The following DPP10 variants were observed in gnomAD, a reference collection of about 807,000 sequenced individuals.
DPP10 encodes inactive dipeptidyl peptidase 10.
DPP10 carries 33 observed loss-of-function variants against 120.9 expected under a neutral mutation model. The ratio of observed to expected loss-of-function variants is 0.27; its 90% CI spans 0.21 to 0.37. The LOEUF (loss-of-function observed/expected upper bound fraction) is 0.37. Among genes scored for constraint, DPP10 ranks in the 10% least tolerant of loss-of-function variants. The pLI is 1.00. For missense variants in DPP10, 816 were observed against 942.8 expected, an observed-to-expected ratio of 0.87 and a Z score of 1.76; for synonymous variants, 337 against 326.1, an observed-to-expected ratio of 1.03 and a Z score of -0.36.
At chr2:115,019,522 C>T (rs1546476) in intron 1 of DPP10, among the ~76,000 whole-genome samples, 147,549 of 152,274 alleles carry the variant, frequency 0.97, 71,648 homozygotes, top group East Asian at 1. Context: ...TTTGGGACTA[C>T]GTTAAACATC....
At chr2:114,980,856 T>G (rs948473420) in intron 1 of DPP10, among the ~76,000 whole-genome samples, 19 of 152,138 alleles carry the variant, frequency 1.2e-4, no homozygotes, top group Admixed American at 1.2e-3. Flanking sequence ...GCATGTTATA[T>G]TTGTAATTTT....
chr2:114,892,617 G>C (rs1035763322), intron 1 of DPP10, among the ~76,000 whole-genome samples: 4 of 152,196 alleles, frequency 2.6e-5, no homozygotes, highest in Non-Finnish European at 5.9e-5. Flanking sequence ...CGCTTGGCAG[G>C]CGCGTCAGTA....
intron 1 of DPP10, among the ~76,000 whole-genome samples, chr2:115,245,619 C>A (rs188726061): frequency 6.6e-6 from 1 of 152,128 alleles, no homozygotes; most frequent in Admixed American, 6.6e-5. Context: ...CCAGTAATCC[C>A]AATATTGGGT....
chr2:114,971,422 C>A (rs772153409), intron 1 of DPP10, among the ~76,000 whole-genome samples: 10 of 152,116 alleles, frequency 6.6e-5, no homozygotes, highest in Non-Finnish European at 8.8e-5. Context: ...CCACCACTTG[C>A]TCACTTATAT....
At chr2:115,343,983 T>G in intron 3 of DPP10, 71 bp downstream of exon 3, 1 of 1,298,060 alleles carries the variant, frequency 7.7e-7, no homozygotes, top group Non-Finnish European at 1.1e-6. Flanking sequence ...AAAAATGAGA[T>G]GTGTAAGCTG....
intron 5 of DPP10, among the ~76,000 whole-genome samples, chr2:115,686,183 T>TA (rs2090978425): frequency 6.6e-6 from 1 of 152,012 alleles, no homozygotes; most frequent in Non-Finnish European, 1.5e-5. Context: ...TGTTCCTGTT[T>TA]AAAATCACTT....
chr2:114,768,244 T>C (rs1680920999), intron 1 of DPP10, among the ~76,000 whole-genome samples: 1 of 151,414 alleles, frequency 6.6e-6, no homozygotes. Context: ...AGAGATTGTA[T>C]CACAAAAGAC....
At chr2:115,237,096 T>C (rs1286904744) in intron 1 of DPP10, among the ~76,000 whole-genome samples, 1 of 152,198 alleles carries the variant, frequency 6.6e-6, no homozygotes, top group Non-Finnish European at 1.5e-5. Flanking sequence ...AAAGCTTATT[T>C]TATTGTACTT....
Position 114,558,703 on chromosome 2 carries a change from T to C in DPP10, c.60+115865T>C, listed in dbSNP as rs955979170. On this transcript the variant is annotated intron_variant, in intron 1 of 25. Transcript: ENST00000410059. ...AATATTTGTTAAACAAAATGGCAAG[T>C]GTGAGTGCTGTAGAGTATTATATGT... Among the ~76,000 whole-genome samples the C allele has an allele frequency of 3.3e-5, 5 of 152,314 alleles. No individual in the cohort carries two copies. The East Asian group carries it at 9.6e-4, about 29-fold the overall frequency.
intron 5 of DPP10, among the ~76,000 whole-genome samples, chr2:115,538,860 A>G (rs1397062586): frequency 6.6e-6 from 1 of 152,054 alleles, no homozygotes; most frequent in African/African-American, 2.4e-5. Flanking sequence ...TGTACTTCCC[A>G]GATTTTGAAG....
At chr2:114,632,812 AG>A in intron 1 of DPP10, among the ~76,000 whole-genome samples, 1 of 152,156 alleles carries the variant, frequency 6.6e-6, no homozygotes, top group Middle Eastern at 3.4e-3. Flanking sequence ...GTGCCCGGCC[AG>A]GGGGTTTTAA....
At chr2:114,536,569 C>A (rs1189654499) in intron 1 of DPP10, among the ~76,000 whole-genome samples, 2 of 151,928 alleles carry the variant, frequency 1.3e-5, no homozygotes, top group African/African-American at 2.4e-5. Flanking sequence ...CCATGCCCAG[C>A]TAATTTTTTG....
At chr2:115,109,420 C>G (rs2049104507) in intron 1 of DPP10, among the ~76,000 whole-genome samples, 3 of 152,014 alleles carry the variant, frequency 2.0e-5, no homozygotes. Flanking sequence ...CCTGTAGTCC[C>G]AGCTACTCTG....
intron 1 of DPP10, among the ~76,000 whole-genome samples, chr2:114,713,713 G>C (rs1175435426): frequency 2.0e-5 from 3 of 152,132 alleles, no homozygotes; most frequent in African/African-American, 7.2e-5. Context: ...AAATTTGGCT[G>C]GGCGCAGTGG....
intron 1 of DPP10, among the ~76,000 whole-genome samples, chr2:114,641,263 C>T (rs1376889783): frequency 6.6e-6 from 1 of 151,974 alleles, no homozygotes; most frequent in African/African-American, 2.4e-5. Context: ...GTTATCATCT[C>T]ACAATCACTG....
intron 3 of DPP10, among the ~76,000 whole-genome samples, chr2:115,389,083 C>T (rs1196890083): frequency 6.6e-6 from 1 of 152,134 alleles, no homozygotes; most frequent in Non-Finnish European, 1.5e-5. Context: ...ATTCTTTTCT[C>T]CTTTGCTGCT....
At chr2:115,733,571 C>G (rs975726591) in intron 8 of DPP10, among the ~76,000 whole-genome samples, 1 of 135,552 alleles carries the variant, frequency 7.4e-6, no homozygotes, top group African/African-American at 2.7e-5. Flanking sequence ...AGGAATTTGA[C>G]AGTGAAATGC....
intron 1 of DPP10, among the ~76,000 whole-genome samples, chr2:115,302,830 ATTACT>A (rs776881429): frequency 2.0e-5 from 3 of 152,096 alleles, no homozygotes; most frequent in Non-Finnish European, 4.4e-5. Context: ...TTATAAAAAA[ATTACT>A]TTACTCAGCA....
At chr2:115,151,996 T>C (rs996024610) in intron 1 of DPP10, among the ~76,000 whole-genome samples, 1 of 152,182 alleles carries the variant, frequency 6.6e-6, no homozygotes, top group African/African-American at 2.4e-5. Context: ...GTTTGATCTC[T>C]TTTTCTACTT....
Sources: allele counts gnomAD v4.1 joint callset (sites outside exome capture counted in the v4.1 genomes callset), GRCh38; gene constraint gnomAD v4.1.1; transcripts MANE v1.5; gene names NCBI Gene and HGNC (gene_info 2026-07-23, HGNC 2026-07-21).